PRDM1: variants seen among roughly 807,000 people sequenced by gnomAD.
PRDM1 encodes the protein PR/SET domain 1.
PRDM1 carries 13 observed loss-of-function variants against 62.8 expected under a neutral mutation model. The ratio of observed to expected loss-of-function variants is 0.21; its 90% CI spans 0.13 to 0.33. The LOEUF is 0.33. PRDM1 is among the 10% of genes least tolerant of loss of function. The probability of loss-of-function intolerance (pLI) is 1.00; values close to 1 mark genes in which losing one functional copy is unlikely to be tolerated. For synonymous variants in PRDM1, 396 were observed against 417.6 expected, an observed-to-expected ratio of 0.95 and a Z score of 0.63; for missense variants, 895 against 1,058.8, an observed-to-expected ratio of 0.85 and a Z score of 2.15.
intron 3 of PRDM1, 189 bp downstream of exon 3, chr6:106,095,923 G>C: frequency 1.6e-6 from 1 of 623,268 alleles, no homozygotes; most frequent in Non-Finnish European, 2.7e-6. Context: ...TGGCCTGTAG[G>C]TGGTTAGTGA....
upstream of PRDM1, among the ~76,000 whole-genome samples, chr6:106,048,382 CA>C (rs145671116): frequency 6.8e-5 from 10 of 147,830 alleles, no homozygotes; most frequent in East Asian, 3.9e-4. Flanking sequence ...GACAGTGTCT[CA>C]AAAAAAAAAT....
intron 1 of PRDM1, among the ~76,000 whole-genome samples, chr6:106,016,280 T>C (rs886507643): frequency 6.6e-6 from 1 of 152,240 alleles, no homozygotes; most frequent in Non-Finnish European, 1.5e-5. Context: ...AAAATGCTGC[T>C]ATGAATCTTC....
At chr6:106,102,576 C>G (rs1774303410) in intron 4 of PRDM1, among the ~76,000 whole-genome samples, 2 of 152,168 alleles carry the variant, frequency 1.3e-5, no homozygotes, top group Non-Finnish European at 2.9e-5. Flanking sequence ...TTGGCCCAAT[C>G]ATAAGTTTCA....
At chr6:106,051,087 A>G (rs542741351) in intron 1 of PRDM1, among the ~76,000 whole-genome samples, 3 of 152,346 alleles carry the variant, frequency 2.0e-5, no homozygotes, top group African/African-American at 7.2e-5. Context: ...TTCACCTGTT[A>G]TAATATATCC....
intron 1 of PRDM1, among the ~76,000 whole-genome samples, chr6:106,065,204 C>T (rs1474373574): frequency 2.6e-5 from 4 of 151,980 alleles, no homozygotes; most frequent in African/African-American, 4.8e-5. Context: ...CTATGTTGCC[C>T]GGGTGCTGGA....
intron 1 of PRDM1, among the ~76,000 whole-genome samples, chr6:106,042,540 C>A (rs866761569): frequency 2.4e-4 from 35 of 144,248 alleles, no homozygotes; most frequent in East Asian, 9.8e-4. Flanking sequence ...AAAAAAAAAA[C>A]AAACAAACAA....
chr6:106,107,124 C>T lies in PRDM1; in HGVS notation c.2116C>T (p.Leu706=), dbSNP rs753094441. Residue 706 remains leucine (L), a synonymous_variant, in exon 7 of 7, where the codon CTG becomes TTG. Coordinates refer to ENST00000369096, the MANE Select transcript of PRDM1 (RefSeq NM_001198.4). The part of the protein sequence containing the change: ...YIHLCSLKVH[L]KGNCAAAPAP... ...CCATCTCTGTAGCCTCAAGGTTCAC[C>T]TGAAAGGGAACTGCGCTGCGGCCCC... is the stretch of plus-strand genomic sequence containing the variant. 6.2e-7 allele frequency: 1 copy of T among 1,614,188 alleles called. No homozygotes were observed. The highest frequency in any genetic ancestry group is 8.5e-7 in the Non-Finnish European group (1 of 1,180,014).
intron 4 of PRDM1, among the ~76,000 whole-genome samples, chr6:106,099,874 G>A (rs1406233314): frequency 7.2e-5 from 11 of 152,304 alleles, no homozygotes; most frequent in East Asian, 3.9e-4. Flanking sequence ...GACATGCTGC[G>A]TATGCAAGGT....
chr6:106,097,863 C>T (rs1275263138), intron 3 of PRDM1, among the ~76,000 whole-genome samples: 1 of 152,142 alleles, frequency 6.6e-6, no homozygotes, highest in Non-Finnish European at 1.5e-5. Context: ...ACTTGAAAAC[C>T]CCTCTTGATA....
chr6:106,063,637 C>T (rs577105057), intron 1 of PRDM1, among the ~76,000 whole-genome samples: 1 of 152,140 alleles, frequency 6.6e-6, no homozygotes, highest in Non-Finnish European at 1.5e-5. Context: ...TTAGTCAATT[C>T]TGGAAATTCC....
chr6:106,022,052 A>G (rs1772702601), intron 1 of PRDM1, among the ~76,000 whole-genome samples: 1 of 152,212 alleles, frequency 6.6e-6, no homozygotes, highest in East Asian at 1.9e-4. Context: ...CTATCCTCCT[A>G]CCCAAAAGAC....
At chr6:106,099,243 T>G (rs1582471451) in intron 3 of PRDM1, 57 bp from the exon 4 acceptor site, 1 of 1,610,716 alleles carries the variant, frequency 6.2e-7, no homozygotes, top group Non-Finnish European at 8.5e-7. Context: ...TTCTGAGAGG[T>G]GCTGGGGAGC....
At chr6:106,021,056 A>G (rs184923373) in intron 1 of PRDM1, among the ~76,000 whole-genome samples, 206 of 152,334 alleles carry the variant, frequency 1.4e-3, no homozygotes, top group African/African-American at 4.8e-3. Context: ...AAAGTAGGCC[A>G]TTCATAACAA....
chr6:106,072,978 G>C (rs948419666), intron 1 of PRDM1, among the ~76,000 whole-genome samples: 22 of 152,260 alleles, frequency 1.4e-4, no homozygotes, highest in African/African-American at 5.1e-4. Flanking sequence ...AGTGGCTGCC[G>C]GCTCTGCTCT....
At chr6:106,097,792 C>G (rs1774151160) in intron 3 of PRDM1, among the ~76,000 whole-genome samples, 1 of 152,154 alleles carries the variant, frequency 6.6e-6, no homozygotes, top group Admixed American at 6.5e-5. Context: ...TCCGCACCAG[C>G]GAAGAGTACA....
intron 2 of PRDM1, among the ~76,000 whole-genome samples, chr6:106,092,799 G>A (rs561820713): frequency 2.4e-4 from 36 of 152,242 alleles, no homozygotes; most frequent in East Asian, 1.3e-3. Flanking sequence ...TGTCTCAGAC[G>A]TGCATTTGAG....
At chr6:106,028,926 T>C (rs1024934160) in intron 1 of PRDM1, among the ~76,000 whole-genome samples, 12 of 148,166 alleles carry the variant, frequency 8.1e-5, no homozygotes, top group Admixed American at 6.7e-5. Context: ...TTCTTTTTTT[T>C]TTTTTTTTTT....
chr6:106,034,933 C>A (rs977731307), intron 1 of PRDM1, among the ~76,000 whole-genome samples: 3 of 152,214 alleles, frequency 2.0e-5, no homozygotes, highest in Non-Finnish European at 2.9e-5. Flanking sequence ...CCACACTGGG[C>A]ATGACACTAA....
intron 3 of PRDM1, chr6:106,098,867 G>T: frequency 5.3e-6 from 8 of 1,516,692 alleles, no homozygotes; most frequent in Non-Finnish European, 6.2e-6. Flanking sequence ...GACTCAGTTT[G>T]ACGTCGTCAG....
Sources: gnomAD v4.1 joint callset for allele counts (sites outside exome capture counted in the v4.1 genomes callset) on GRCh38, gnomAD v4.1.1 for gene constraint, MANE v1.5 for transcripts, NCBI Gene and HGNC (gene_info 2026-07-23, HGNC 2026-07-21) for gene names.